The following RBFOX1 variants were observed in gnomAD, a reference collection of about 807,000 sequenced individuals.
RBFOX1 encodes RNA binding fox-1 homolog 1.
In RBFOX1, 8 loss-of-function variants were observed where a neutral mutation model predicts 57.7. The ratio of observed to expected loss-of-function variants is 0.14; its 90% CI spans 0.08 to 0.25. RBFOX1 has a LOEUF of 0.25. Ranked by LOEUF, RBFOX1 falls within the 10% of genes least tolerant of loss-of-function variation. RBFOX1 has a pLI of 1.00. For synonymous variants in RBFOX1, 326 were observed against 222.4 expected, an observed-to-expected ratio of 1.47 and a Z score of -4.15; for missense variants, 611 against 548.5, an observed-to-expected ratio of 1.11 and a Z score of -1.14.
At chr16:6,988,552 AATTTAACTTT>A (rs770155172) in intron 3 of RBFOX1, among the ~76,000 whole-genome samples, 3,217 of 149,792 alleles carry the variant, frequency 0.021, 59 homozygotes, top group Non-Finnish European at 0.037. Context: ...TTTTTATTTT[AATTTAACTTT>A]ATTTAATTTT....
At chr16:6,956,003 G>A (rs531559237) in intron 3 of RBFOX1, among the ~76,000 whole-genome samples, 4 of 152,264 alleles carry the variant, frequency 2.6e-5, no homozygotes, top group African/African-American at 9.6e-5. Context: ...ACCAGACCCG[G>A]CCTCCATCAC....
chr16:6,900,621 C>A (rs975267821), intron 3 of RBFOX1, among the ~76,000 whole-genome samples: 1 of 152,178 alleles, frequency 6.6e-6, no homozygotes, highest in Non-Finnish European at 1.5e-5. Flanking sequence ...ACAGCAGATG[C>A]TATTCCCTCT....
At position 6,293,734 on chromosome 16, in the gene RBFOX1, C is replaced by T. The variant is rs192319404; in HGVS notation, c.-126-23261C>T. Among the ~76,000 whole-genome samples the T allele has an allele frequency of 1.8e-4, 25 of 137,688 alleles. No homozygotes were observed. The East Asian group carries it at 4.9e-3, about 27-fold the overall frequency. 90.3% of individuals were successfully genotyped at this position (137,688 alleles called of 152,430 possible). ...AGGAAGACTCTACTGAGAAAAGGTA[C>T]TTGATCTGAACTTTGAAGCATGAAT... is the stretch of plus-strand genomic sequence containing the variant. On this transcript the variant is annotated intron_variant, in intron 1 of 15. Transcript: ENST00000550418.
rs529350835 is a variant in RBFOX1, at chr16:6,542,822, C to T, written c.-63-111781C>T. Among the ~76,000 whole-genome samples the T allele has an allele frequency of 3.7e-4, 56 of 152,172 alleles. 1 individual carries two copies. The South Asian group carries it at 0.011, about 30-fold the overall frequency. On this transcript the variant is annotated intron_variant, in intron 2 of 15. Transcript: ENST00000550418. Reference sequence around the variant, plus strand: ...CACAGTCTTAAGACGCTGGCTCTGCCTTCCTGGGTGCCACAGTTACCATCT... The same window carrying T: ...CACAGTCTTAAGACGCTGGCTCTGCTTTCCTGGGTGCCACAGTTACCATCT...
intron 4 of RBFOX1, among the ~76,000 whole-genome samples, chr16:7,110,953 G>A (rs1198711803): frequency 1.3e-5 from 2 of 152,106 alleles, no homozygotes; most frequent in Non-Finnish European, 2.9e-5. Flanking sequence ...TGCTCTCCCT[G>A]AAATTGTGTA....
At chr16:7,665,305 G>A (rs926862669) in intron 13 of RBFOX1, among the ~76,000 whole-genome samples, 3 of 152,190 alleles carry the variant, frequency 2.0e-5, no homozygotes, top group Non-Finnish European at 4.4e-5. Context: ...TTCGTTTTCA[G>A]TATAATATTT....
intron 1 of RBFOX1, among the ~76,000 whole-genome samples, chr16:6,191,966 C>G (rs1228529402): frequency 6.6e-6 from 1 of 152,064 alleles, no homozygotes; most frequent in Non-Finnish European, 1.5e-5. Flanking sequence ...GTAAATATGT[C>G]TTGGGACAAA....
chr16:5,430,398 T>C (rs544080066), intron 1 of RBFOX1, among the ~76,000 whole-genome samples: 5 of 151,566 alleles, frequency 3.3e-5, no homozygotes, highest in Non-Finnish European at 7.4e-5. Flanking sequence ...TGAGAAACAG[T>C]GGGAGGGAGA....
chr16:5,874,669 G>A (rs984996797), intron 4 of RBFOX1, among the ~76,000 whole-genome samples: 2 of 152,188 alleles, frequency 1.3e-5, no homozygotes, highest in Non-Finnish European at 2.9e-5. Flanking sequence ...GAGCAGCTGG[G>A]CGAGGTGGTT....
intron 3 of RBFOX1, among the ~76,000 whole-genome samples, chr16:6,780,779 A>G (rs2080880908): frequency 6.6e-6 from 1 of 151,710 alleles, no homozygotes; most frequent in Middle Eastern, 3.4e-3. Flanking sequence ...CCTTTTGGTC[A>G]TTTGTATGTC....
intron 3 of RBFOX1, among the ~76,000 whole-genome samples, chr16:5,669,364 C>G (rs953342404): frequency 6.6e-6 from 1 of 151,358 alleles, no homozygotes; most frequent in African/African-American, 2.4e-5. Flanking sequence ...TTTGGGTTCA[C>G]CTGGGTCAGA....
At chr16:6,141,324 G>T (rs1232307032) in intron 1 of RBFOX1, among the ~76,000 whole-genome samples, 2 of 152,198 alleles carry the variant, frequency 1.3e-5, no homozygotes, top group Non-Finnish European at 2.9e-5. Context: ...CGATACGGAA[G>T]AGCTGAGAGG....
intron 1 of RBFOX1, among the ~76,000 whole-genome samples, chr16:5,308,462 C>T (rs1003633153): frequency 4.6e-5 from 7 of 152,140 alleles, no homozygotes; most frequent in African/African-American, 1.7e-4. Context: ...TTATATATTG[C>T]CAGTTCTTGA....
At chr16:5,599,891 G>C (rs1005650310) in exon 3 of RBFOX1, 5 of 152,440 alleles carry the variant, frequency 3.3e-5, no homozygotes, top group Admixed American at 3.3e-4. Context: ...TCATGGCTAG[G>C]CCTAATGGAT....
chr16:6,825,190 G>C (rs896588549), intron 3 of RBFOX1, among the ~76,000 whole-genome samples: 9 of 149,756 alleles, frequency 6.0e-5, no homozygotes, highest in Non-Finnish European at 1.3e-4. Flanking sequence ...TTTCTTGTGG[G>C]GGGGCTGACG....
chr16:5,574,384 T>G (rs2046385773), intron 2 of RBFOX1, among the ~76,000 whole-genome samples: 1 of 151,882 alleles, frequency 6.6e-6, no homozygotes, highest in South Asian at 2.1e-4. Context: ...TCTCAATAAC[T>G]GCTTTTGTTT....
intron 3 of RBFOX1, among the ~76,000 whole-genome samples, chr16:6,737,460 C>T (rs968878141): frequency 6.6e-6 from 1 of 152,148 alleles, no homozygotes; most frequent in African/African-American, 2.4e-5. Flanking sequence ...TTAAAAAGAA[C>T]AGACATGTTA....
At chr16:5,816,336 A>G (rs1253968904) in intron 3 of RBFOX1, among the ~76,000 whole-genome samples, 2 of 152,142 alleles carry the variant, frequency 1.3e-5, no homozygotes, top group African/African-American at 4.8e-5. Context: ...AAAACCTTCC[A>G]GGTACTTTGG....
intron 3 of RBFOX1, among the ~76,000 whole-genome samples, chr16:7,029,590 G>T (rs754683101): frequency 6.6e-6 from 1 of 152,094 alleles, no homozygotes; most frequent in Non-Finnish European, 1.5e-5. Context: ...TTGGACATGA[G>T]ATCATTAAGT....
Sources: allele counts gnomAD v4.1 joint callset (sites outside exome capture counted in the v4.1 genomes callset), GRCh38; gene constraint gnomAD v4.1.1; transcripts MANE v1.5; gene names NCBI Gene and HGNC (gene_info 2026-07-23, HGNC 2026-07-21).